The following RIT2 variants were observed in gnomAD, a reference collection of about 807,000 sequenced individuals.
RIT2 encodes the protein Ras like without CAAX 2.
In RIT2, 24 loss-of-function variants were observed where a neutral mutation model predicts 23.7. That is an observed-to-expected ratio of 1.01 (90% CI 0.73 to 1.43). The LOEUF is 1.43. RIT2 is among the 40% of genes most tolerant of loss of function. The pLI, the probability that RIT2 is intolerant of heterozygous loss-of-function variation, is 0.00. For missense variants in RIT2, 236 were observed against 266.9 expected (o/e 0.88, Z 0.81); for synonymous variants, 107 against 91.1 (o/e 1.17, Z -0.99).
chr18:42,856,612 GACAA>G (rs138571933), intron 4 of RIT2, among the ~76,000 whole-genome samples: 7,686 of 152,122 alleles, frequency 0.051, 584 homozygotes, highest in East Asian at 0.31. Flanking sequence ...AGGAACACAA[GACAA>G]ACAGTCACAG....
chr18:43,060,571 C>G (rs1241368764), intron 1 of RIT2, among the ~76,000 whole-genome samples: 1 of 152,078 alleles, frequency 6.6e-6, no homozygotes, highest in Non-Finnish European at 1.5e-5. Flanking sequence ...AAGCTGGACA[C>G]CAGTGATGGG....
chr18:42,892,087 G>A (rs577151760), intron 4 of RIT2, among the ~76,000 whole-genome samples: 20 of 152,072 alleles, frequency 1.3e-4, no homozygotes, highest in East Asian at 5.8e-4. Context: ...TATTCACCAC[G>A]ACAAACCTCT....
intron 4 of RIT2, among the ~76,000 whole-genome samples, chr18:42,832,170 G>C (rs1025269782): frequency 6.6e-6 from 1 of 152,168 alleles, no homozygotes; most frequent in African/African-American, 2.4e-5. Flanking sequence ...GGAGGAAATC[G>C]ATAGAGAGGC....
At chr18:43,113,027 C>T (rs1229310600) in intron 1 of RIT2, among the ~76,000 whole-genome samples, 7 of 151,980 alleles carry the variant, frequency 4.6e-5, no homozygotes, top group Non-Finnish European at 7.4e-5. Flanking sequence ...GGTTTTAAAA[C>T]GTATATTTTA....
At chr18:42,928,211 G>A (rs1461209496) in intron 3 of RIT2, among the ~76,000 whole-genome samples, 1 of 151,926 alleles carries the variant, frequency 6.6e-6, no homozygotes, top group Non-Finnish European at 1.5e-5. Context: ...AAGTGGTAGG[G>A]CATATATATA....
intron 4 of RIT2, among the ~76,000 whole-genome samples, chr18:42,755,074 A>G (rs1223106489): frequency 6.6e-6 from 1 of 152,158 alleles, no homozygotes; most frequent in Non-Finnish European, 1.5e-5. Flanking sequence ...TCAATGAGCT[A>G]TCACATGAAA....
intron 1 of RIT2, among the ~76,000 whole-genome samples, chr18:43,081,261 G>A (rs528770737): frequency 6.6e-6 from 1 of 152,162 alleles, no homozygotes; most frequent in South Asian, 2.1e-4. Flanking sequence ...TCATGATGCT[G>A]CTTATGTTAC....
intron 4 of RIT2, among the ~76,000 whole-genome samples, chr18:42,875,381 G>C (rs570630825): frequency 7.1e-5 from 10 of 140,866 alleles, no homozygotes; most frequent in African/African-American, 2.1e-4. Flanking sequence ...TAGAATTTTT[G>C]TGAGGCTGGA....
intron 2 of RIT2, among the ~76,000 whole-genome samples, chr18:42,978,905 A>C (rs1910533286): frequency 6.6e-6 from 1 of 152,108 alleles, no homozygotes; most frequent in African/African-American, 2.4e-5. Context: ...AACGCATGGG[A>C]GTTCTATAAG....
chr18:43,048,351 C>A (rs1163467502), intron 1 of RIT2, among the ~76,000 whole-genome samples: 1 of 151,932 alleles, frequency 6.6e-6, no homozygotes, highest in Non-Finnish European at 1.5e-5. Flanking sequence ...ATTTTGAAAC[C>A]AATAATTCAA....
intron 1 of RIT2, among the ~76,000 whole-genome samples, chr18:43,085,440 C>T (rs1046739529): frequency 6.6e-6 from 1 of 152,020 alleles, no homozygotes; most frequent in African/African-American, 2.4e-5. Flanking sequence ...CAATAAAATA[C>T]TAAAAAGTAT....
chr18:42,834,281 C>T (rs942982973), intron 4 of RIT2, among the ~76,000 whole-genome samples: 1 of 152,064 alleles, frequency 6.6e-6, no homozygotes, highest in Admixed American at 6.6e-5. Context: ...ACTGAGAATC[C>T]AAAAGTCTGC....
intron 1 of RIT2, among the ~76,000 whole-genome samples, chr18:43,079,999 T>C (rs142962415): frequency 3.3e-5 from 5 of 152,326 alleles, no homozygotes; most frequent in Admixed American, 6.5e-5. Context: ...TTTATTAAGA[T>C]GTTCGTTAAT....
At chr18:42,920,952 T>G (rs544194873) in intron 4 of RIT2, among the ~76,000 whole-genome samples, 1 of 152,200 alleles carries the variant, frequency 6.6e-6, no homozygotes, top group African/African-American at 2.4e-5. Flanking sequence ...CTTTTTTTTT[T>G]TTATATGAAG....
At chr18:42,954,394 A>C (rs1190834731) in intron 3 of RIT2, among the ~76,000 whole-genome samples, 1 of 145,392 alleles carries the variant, frequency 6.9e-6, no homozygotes, top group East Asian at 2.2e-4. Flanking sequence ...AAAAAAAAAA[A>C]CCTGTAAATA....
intron 2 of RIT2, among the ~76,000 whole-genome samples, chr18:43,023,011 T>C (rs1911632284): frequency 6.6e-6 from 1 of 152,072 alleles, no homozygotes; most frequent in Non-Finnish European, 1.5e-5. Context: ...CAGTCTTTAT[T>C]GCAAGACCAA....
chr18:42,989,023 T>G (rs1485486481), intron 2 of RIT2, among the ~76,000 whole-genome samples: 1 of 152,108 alleles, frequency 6.6e-6, no homozygotes, highest in African/African-American at 2.4e-5. Flanking sequence ...GAATATGAAG[T>G]TTTAATAAGT....
At chr18:43,009,431 G>T (rs1911300923) in intron 2 of RIT2, among the ~76,000 whole-genome samples, 1 of 151,420 alleles carries the variant, frequency 6.6e-6, no homozygotes, top group Non-Finnish European at 1.5e-5. Context: ...GCAGGGATAG[G>T]AAAAAAACAG....
chr18:43,025,646 A>C (rs1157026232), intron 2 of RIT2, among the ~76,000 whole-genome samples: 1 of 152,134 alleles, frequency 6.6e-6, no homozygotes, highest in South Asian at 2.1e-4. Context: ...ATGCCATGAA[A>C]TACTACTAAA....
Sources: allele counts gnomAD v4.1 joint callset (sites outside exome capture counted in the v4.1 genomes callset), GRCh38; gene constraint gnomAD v4.1.1; transcripts MANE v1.5; gene names NCBI Gene and HGNC (gene_info 2026-07-23, HGNC 2026-07-21).